TEPSIN: variants seen among roughly 807,000 people sequenced by gnomAD.
TEPSIN encodes AP-4 complex accessory subunit tepsin.
A neutral mutation model predicts 48.5 loss-of-function variants in TEPSIN; 50 were observed. That is an observed-to-expected ratio of 1.03 (90% CI 0.82 to 1.31). The LOEUF is 1.31. Ranked by LOEUF, TEPSIN falls within the 50% of genes most tolerant of loss-of-function variation. The pLI is 0.00. For missense variants in TEPSIN, 838 were observed against 815.9 expected, an observed-to-expected ratio of 1.03 and a Z score of -0.33; for synonymous variants, 392 against 358.8, an observed-to-expected ratio of 1.09 and a Z score of -1.05.
Position 81,236,521 on chromosome 17 carries a change from G to C in TEPSIN, c.307+187C>G, listed in dbSNP as rs557498114. The C allele has an allele frequency of 1.1e-4, 75 of 663,580 alleles. 1 individual carries two copies. The African/African-American group carries it at 1.3e-3, about 11-fold the overall frequency. 41.1% of individuals were successfully genotyped at this position (663,580 alleles called of 1,614,324 possible). On this transcript the variant is annotated intron_variant, in intron 4 of 12. Coordinates refer to ENST00000637944, the MANE Select transcript of TEPSIN (RefSeq NM_001363764.2). ...CAGGGGAGGCCGAGCCGGCCAGCTG[G>C]GGTGAGGGTGGGCAGCAGGTGGAGA...
Position 81,228,952 on chromosome 17 carries a change from T to C in TEPSIN, c.1758A>G (p.Ser586=). ...AAKEPPGSEP[S]AFAFLNA ...GTCAGGCGTTCAGGAACGCGAAAGCTGACGGCTCTGAGCCAGGAGGCTCTT... is the reference window on the plus strand; with the variant it reads ...GTCAGGCGTTCAGGAACGCGAAAGCCGACGGCTCTGAGCCAGGAGGCTCTT... The change falls in exon 13 of 13, where the codon TCA becomes TCG. Residue 586 remains serine (S), a synonymous_variant. Coordinates refer to ENST00000637944, the MANE Select transcript of TEPSIN (RefSeq NM_001363764.2). 4.3e-6 allele frequency: 7 copies of C among 1,613,696 alleles called. No homozygotes were observed. The highest frequency in any genetic ancestry group is 5.9e-6 in the Non-Finnish European group (7 of 1,180,014).
At chr17:81,237,943 TGTC>T (rs1466394346) in intron 1 of TEPSIN, 42 of 998,738 alleles carry the variant, frequency 4.2e-5, no homozygotes, top group Non-Finnish European at 4.9e-5. Flanking sequence ...AACCGACTGA[TGTC>T]GTGTGTTTTA....
chr17:81,232,426 G>C lies in TEPSIN; in HGVS notation c.619C>G (p.Arg207Gly). 6.5e-7 allele frequency: 1 copy of C among 1,535,796 alleles called. No homozygotes were observed. Among genetic ancestry groups the C allele is most frequent in the Non-Finnish European group, 8.7e-7 (1 of 1,146,712 alleles). The change falls in exon 8 of 13, where the codon CGG becomes GGG. Residue 207 changes from arginine to glycine, a missense_variant. Physicochemically the swap from Arg to Gly is moderately radical, Grantham distance 125. Coordinates refer to ENST00000637944, the MANE Select transcript of TEPSIN (RefSeq NM_001363764.2). ...MRPGPESPST[R>G]RLLPRGDTYQ... is the part of the protein sequence containing the mutation. Reference sequence around the variant, plus strand: ...GTGTCACCCCGCGGCAGGAGCCTCCGGGTACTGGGACTCTCGGGCCCGGGG... The same window carrying C: ...GTGTCACCCCGCGGCAGGAGCCTCCCGGTACTGGGACTCTCGGGCCCGGGG...
chr17:81,234,114 C>T lies in TEPSIN; in HGVS notation c.308-66G>A, dbSNP rs528062939. 7.0e-5 allele frequency: 99 copies of T among 1,420,808 alleles called. 4 individuals carry two copies. In the African/African-American group the frequency reaches 1.3e-3, roughly 18 times the overall value. The allele number at this position is 1,420,808 out of a possible 1,614,324, so 88.0% of individuals were successfully genotyped here. A position where few individuals can be genotyped will look rare whatever the true frequency, so the allele number is the denominator to read the frequency against. The stretch of plus-strand genomic sequence containing the variant: ...TGGCACCGCTGCTCCCTGTGGAGCA[C>T]GGTGCCCTGGGCCCACTCCAGGGTG... On this transcript the variant is annotated intron_variant, in intron 4 of 12. Transcript: ENST00000637944. The surrounding 1 kb of genome is among the most constrained non-coding windows in gnomAD (Gnocchi z 5.4).
chr17:81,232,097 C>A (rs2062626502), intron 8 of TEPSIN, 76 bp from the exon 9 acceptor site: 2 of 1,525,896 alleles, frequency 1.3e-6, no homozygotes, highest in Admixed American at 1.9e-5. Flanking sequence ...GGGCCCTGGA[C>A]CAGGAGGCCT....
intron 9 of TEPSIN, 47 bp downstream of exon 9, chr17:81,231,800 G>T: frequency 6.2e-7 from 1 of 1,608,456 alleles, no homozygotes. Flanking sequence ...GGGGGACAGT[G>T]TGGTGCCTCC....
At chr17:81,238,952 G>C in intron 1 of TEPSIN, 34 bp downstream of exon 1, 1 of 1,424,312 alleles carries the variant, frequency 7.0e-7, no homozygotes, top group Non-Finnish European at 9.1e-7. Context: ...GAGGAGCCGT[G>C]GGACCGGGGC....
Position 81,238,726 on chromosome 17 carries a change from G to A in TEPSIN, c.48+260C>T, listed in dbSNP as rs1019779630. 26 of 1,251,698 alleles carry A rather than the reference G, an allele frequency of 2.1e-5. 1 individual carries two copies. The highest frequency in any genetic ancestry group is 6.1e-4 in the Middle Eastern group (2 of 3,296). 77.5% of individuals were successfully genotyped at this position (1,251,698 alleles called of 1,614,324 possible). A position where few individuals can be genotyped will look rare whatever the true frequency, so the allele number is the denominator to read the frequency against. ...TCGGAGGCCACTGAATGCTGGCCGA[G>A]GCCTGTTCGTTCCCCCAGGGTCTGG... On this transcript the variant is annotated intron_variant, in intron 1 of 12. Coordinates refer to ENST00000637944, the MANE Select transcript of TEPSIN (RefSeq NM_001363764.2).
chr17:81,230,639 G>C lies in TEPSIN; in HGVS notation c.1138C>G (p.Leu380Val). The change falls in exon 12 of 13, where the codon CTC (leucine) becomes GTC (valine). Residue 380 changes from leucine to valine, a missense_variant. Leu to Val is a conservative substitution (Grantham distance 32, BLOSUM62 1). Coordinates refer to ENST00000637944, the MANE Select transcript of TEPSIN (RefSeq NM_001363764.2). This position sits in a 1 kb window ranked among gnomAD's most constrained non-coding sequence, Gnocchi z 4.2. The part of the protein sequence containing the change: ...CAIASLGSSD[L>V]LPQEHILLRT... ...AGGAGGATGTGCTCCTGGGGGAGGA[G>C]GTCGCTGCTCCCCAGGGAGGCGATG... The C allele has an allele frequency of 6.3e-7, 1 of 1,592,040 alleles. No homozygotes were observed. Among genetic ancestry groups the C allele is most frequent in the Non-Finnish European group, 8.6e-7 (1 of 1,168,400 alleles).
chr17:81,235,739 C>G (rs1598359710), intron 4 of TEPSIN, among the ~76,000 whole-genome samples: 1 of 152,180 alleles, frequency 6.6e-6, no homozygotes, highest in East Asian at 1.9e-4. Flanking sequence ...TGCCTTGGCC[C>G]CAAAGCTGTG....
Position 81,230,452 on chromosome 17 carries a change from C to T in TEPSIN, c.1233+92G>A, listed in dbSNP as rs559771213. ...GGGGGTCCGGGAAGGGCTGACCAGG[C>T]GCCGGGCAGGGACGGGGTGGCCGTG... is the stretch of plus-strand genomic sequence containing the variant. On this transcript the variant is annotated intron_variant, in intron 12 of 12. Coordinates refer to ENST00000637944, the MANE Select transcript of TEPSIN (RefSeq NM_001363764.2). This position sits in a 1 kb window ranked among gnomAD's most constrained non-coding sequence, Gnocchi z 4.2. 1.3e-5 allele frequency: 20 copies of T among 1,532,096 alleles called. No individual in the cohort carries two copies. The highest frequency in any genetic ancestry group is 4.7e-4 in the Middle Eastern group (2 of 4,276). 94.9% of individuals were successfully genotyped at this position (1,532,096 alleles called of 1,614,324 possible).
rs574624178 is a variant in TEPSIN at position 81,230,174 on chromosome 17, A to T, written c.1233+370T>A. ...CCATTTCTGCCCTCCGGAGCTTGGGAGTTGAGCATGAGCTGTGTCATGGGT... is the reference window on the plus strand; with the variant it reads ...CCATTTCTGCCCTCCGGAGCTTGGGTGTTGAGCATGAGCTGTGTCATGGGT... On this transcript the variant is annotated intron_variant, in intron 12 of 12. Coordinates refer to ENST00000637944, the MANE Select transcript of TEPSIN (RefSeq NM_001363764.2). This position sits in a 1 kb window ranked among gnomAD's most constrained non-coding sequence, Gnocchi z 4.2. 1.1e-4 allele frequency: 26 copies of T among 243,616 alleles called. No individual in the cohort carries two copies. In the Admixed American group the frequency reaches 1.3e-3, roughly 12 times the overall value. The allele number at this position is 243,616 out of a possible 1,614,324, so 15.1% of individuals were successfully genotyped here.
rs1019711883 is a variant in TEPSIN at position 81,233,902 on chromosome 17, C to G, written c.375+79G>C. The G allele has an allele frequency of 2.9e-5, 43 of 1,482,988 alleles. No individual in the cohort carries two copies. In the Admixed American group the frequency reaches 4.2e-4, roughly 15 times the overall value. 91.9% of individuals were successfully genotyped at this position (1,482,988 alleles called of 1,614,324 possible). ...CCGGATGGGAGAACTGCAAACCCCC[C>G]AGCTGACATCCTGGCCCCAATCCCA... On this transcript the variant is annotated intron_variant, in intron 5 of 12. Coordinates refer to ENST00000637944, the MANE Select transcript of TEPSIN (RefSeq NM_001363764.2). The surrounding 1 kb of genome is among the most constrained non-coding windows in gnomAD (Gnocchi z 5.8).
At position 81,236,538 on chromosome 17, in the gene TEPSIN, A is replaced by T; in HGVS notation, c.307+170T>A. On this transcript the variant is annotated intron_variant, in intron 4 of 12. Coordinates refer to ENST00000637944, the MANE Select transcript of TEPSIN (RefSeq NM_001363764.2). ...GCCAGCTGGGGTGAGGGTGGGCAGC[A>T]GGTGGAGAGGCCAGAGATGGGCCAG... 6 of 709,698 alleles carry T rather than the reference A, an allele frequency of 8.5e-6. No individual in the cohort carries two copies. The South Asian group carries it at 1.1e-4, about 13-fold the overall frequency. 44.0% of individuals were successfully genotyped at this position (709,698 alleles called of 1,614,324 possible). A position where few individuals can be genotyped will look rare whatever the true frequency, so the allele number is the denominator to read the frequency against.
intron 10 of TEPSIN, 24 bp downstream of exon 10, chr17:81,231,554 C>T (rs377603565): frequency 6.2e-7 from 1 of 1,604,868 alleles, no homozygotes; most frequent in Non-Finnish European, 8.5e-7. Flanking sequence ...TGAGGCAGAG[C>T]AGGGCGGGTC....
intron 1 of TEPSIN, chr17:81,238,168 A>T: frequency 1.0e-6 from 1 of 985,750 alleles, no homozygotes; most frequent in Non-Finnish European, 1.2e-6. Flanking sequence ...ATCTAGTGAC[A>T]ACATACGAAA....
At position 81,228,949 on chromosome 17, in the gene TEPSIN, A is replaced by G; in HGVS notation, c.1761T>C (p.Ala587=). ...AKEPPGSEPS[A]FAFLNA ...CGGGTCAGGCGTTCAGGAACGCGAAAGCTGACGGCTCTGAGCCAGGAGGCT... is the reference window on the plus strand; with the variant it reads ...CGGGTCAGGCGTTCAGGAACGCGAAGGCTGACGGCTCTGAGCCAGGAGGCT... Residue 587 remains alanine (A), a synonymous_variant, in exon 13 of 13, where the codon GCT becomes GCC. Coordinates refer to ENST00000637944, the MANE Select transcript of TEPSIN (RefSeq NM_001363764.2). 6.2e-7 allele frequency: 1 copy of G among 1,613,682 alleles called. No homozygotes were observed. Among genetic ancestry groups the G allele is most frequent in the Non-Finnish European group, 8.5e-7 (1 of 1,180,008 alleles).
At chr17:81,231,195 G>C in intron 11 of TEPSIN, 1 of 600,556 alleles carries the variant, frequency 1.7e-6, no homozygotes, top group Non-Finnish European at 2.9e-6. Context: ...ACACATGCAC[G>C]AGTGTGTACA....
At position 81,230,361 on chromosome 17, in the gene TEPSIN, G is replaced by A. The variant is rs2062565665; in HGVS notation, c.1233+183C>T. 1 of 744,796 alleles carries A rather than the reference G, an allele frequency of 1.3e-6. No individual in the cohort carries two copies. The highest frequency in any genetic ancestry group is 2.1e-6 in the Non-Finnish European group (1 of 472,586). The allele number at this position is 744,796 out of a possible 1,614,324, so 46.1% of individuals were successfully genotyped here. A position where few individuals can be genotyped will look rare whatever the true frequency, so the allele number is the denominator to read the frequency against. On this transcript the variant is annotated intron_variant, in intron 12 of 12. Transcript: ENST00000637944. The surrounding 1 kb of genome is among the most constrained non-coding windows in gnomAD (Gnocchi z 4.2). ...GCAGAGTTTGGGTGGAAGGCGGGAA[G>A]GCAATGGGGAGGTGAGGACCCTGAC... is the stretch of plus-strand genomic sequence containing the variant.
Sources: gnomAD v4.1 joint callset for allele counts (sites outside exome capture counted in the v4.1 genomes callset) on GRCh38, gnomAD v4.1.1 for gene constraint, Gnocchi (gnomAD v3.1) non-coding constraint, MANE v1.5 for transcripts, NCBI Gene and HGNC (gene_info 2026-07-23, HGNC 2026-07-21) for gene names.